STRADA: variants seen among roughly 807,000 people sequenced by gnomAD.
STRADA encodes the protein STE20 related adaptor alpha.
A neutral mutation model predicts 55.0 loss-of-function variants in STRADA; 26 were observed. The ratio of observed to expected loss-of-function variants is 0.47; its 90% CI spans 0.35 to 0.66. The LOEUF is 0.66. STRADA is among the 30% of genes least tolerant of loss of function. STRADA has a pLI of 0.01. For synonymous variants in STRADA, 197 were observed against 210.9 expected (o/e 0.93, Z 0.57); for missense variants, 443 against 549.7 (o/e 0.81, Z 1.94).
chr17:63,740,107 T>C (rs201206946), intron 1 of STRADA, among the ~76,000 whole-genome samples: 1,514 of 49,610 alleles, frequency 0.031, 294 homozygotes, highest in African/African-American at 0.067. Context: ...TATATATATA[T>C]ACATACATAC....
chr17:63,738,922 C>T (rs549244313), intron 1 of STRADA, among the ~76,000 whole-genome samples: 4 of 151,742 alleles, frequency 2.6e-5, no homozygotes, highest in African/African-American at 4.8e-5. Context: ...GAGGCAGAGG[C>T]GGGCAGATCA....
chr17:63,740,250 C>T (rs1035504372), intron 1 of STRADA, among the ~76,000 whole-genome samples: 2 of 151,004 alleles, frequency 1.3e-5, no homozygotes, highest in Non-Finnish European at 2.9e-5. Context: ...GTGGCTCACG[C>T]CTGTAATCCC....
In STRADA at chr17:63,710,854, G is replaced by A. The variant is rs138109552; in HGVS notation, c.349-18C>T. 3,072 of 1,611,564 alleles carry A rather than the reference G, an allele frequency of 1.9e-3. 7 individuals are homozygous for A. Among genetic ancestry groups the A allele is most frequent in the Middle Eastern group, 2.3e-3 (14 of 6,056 alleles). ...AGCTCGCCCTGGAAGCAATGATGAA[G>A]CTGAAGTCAGAACCAAATGGCACTG... is the stretch of plus-strand genomic sequence containing the variant. On this transcript the variant is annotated intron_variant, in intron 6 of 12. Transcript: ENST00000336174.
At chr17:63,723,480 C>T (rs2144091949) in intron 3 of STRADA, 154 bp from the exon 4 acceptor site, 2 of 727,232 alleles carry the variant, frequency 2.8e-6, no homozygotes, top group South Asian at 1.6e-5. Flanking sequence ...TACATATAAA[C>T]ACACACAGAT....
chr17:63,726,900 G>A (rs2037700080), intron 2 of STRADA: 1 of 584,722 alleles, frequency 1.7e-6, no homozygotes, highest in African/African-American at 1.9e-5. Context: ...CCTATTTGAT[G>A]AATAATTCTT....
Position 63,726,710 on chromosome 17 carries a change from C to T in STRADA, c.37-15G>A. On this transcript the variant is annotated splice_polypyrimidine_tract_variant and intron_variant, in intron 2 of 12. Transcript: ENST00000336174. ...GAGACCCACCGCTAAAGAGGAAAAC[C>T]CCAAAGAGAATTAGTATTTCTTCCA... 1 of 1,613,762 alleles carries T rather than the reference C, an allele frequency of 6.2e-7. No individual in the cohort carries two copies. Among genetic ancestry groups the T allele is most frequent in the Middle Eastern group, 1.7e-4 (1 of 6,060 alleles).
rs755268323 is a variant in STRADA at position 63,703,742 on chromosome 17, G to A, written c.1153C>T (p.Arg385Cys). Residue 385 changes from arginine to cysteine, a missense_variant, in exon 13 of 13, where the codon CGT becomes TGT. Transcript: ENST00000336174. ...NHSFFKQIKR[R>C]ASEALPELLR... ...AATTCGGGCAAAGCCTCTGAGGCAC[G>A]TCGCTTGATCTGGGGGAGAAGAGAG... 23 of 1,613,996 alleles carry A rather than the reference G, an allele frequency of 1.4e-5. No homozygotes were observed. Among genetic ancestry groups the A allele is most frequent in the African/African-American group, 5.3e-5 (4 of 74,922 alleles).
At chr17:63,735,558 C>T (rs2038361799) in intron 1 of STRADA, among the ~76,000 whole-genome samples, 1 of 152,110 alleles carries the variant, frequency 6.6e-6, no homozygotes, top group Non-Finnish European at 1.5e-5. Context: ...TTTCAGGTTT[C>T]TGATTTAAGA....
At chr17:63,732,558 G>A (rs542039307) in intron 1 of STRADA, among the ~76,000 whole-genome samples, 15 of 152,272 alleles carry the variant, frequency 9.9e-5, no homozygotes, top group African/African-American at 2.9e-4. Flanking sequence ...CACTTTGGGA[G>A]GCTGAGGCAG....
intron 1 of STRADA, among the ~76,000 whole-genome samples, chr17:63,737,041 G>C (rs2038488712): frequency 6.6e-6 from 1 of 151,690 alleles, no homozygotes; most frequent in East Asian, 1.9e-4. Context: ...CTGAGGTCAG[G>C]AGTTCAAGAC....
intron 1 of STRADA, among the ~76,000 whole-genome samples, chr17:63,729,653 G>T (rs2037890088): frequency 6.6e-6 from 1 of 151,910 alleles, no homozygotes; most frequent in Non-Finnish European, 1.5e-5. Flanking sequence ...GCCAGGCATG[G>T]TGACAGGCAC....
chr17:63,728,467 T>A, intron 1 of STRADA, 54 bp from the exon 2 acceptor site: 1 of 995,772 alleles, frequency 1.0e-6, no homozygotes, highest in Non-Finnish European at 1.5e-6. Context: ...TATAGAGAAA[T>A]ATCTTCTGAT....
At chr17:63,716,997 A>T (rs760959007) in intron 4 of STRADA, 23 of 152,230 alleles carry the variant, frequency 1.5e-4, no homozygotes, top group Non-Finnish European at 2.9e-4. Flanking sequence ...TCTCCATTAT[A>T]TCAGCAGCTG....
chr17:63,707,459 C>A (rs2036177605), intron 8 of STRADA, 41 bp from the exon 9 acceptor site: 1 of 1,600,290 alleles, frequency 6.2e-7, no homozygotes, highest in African/African-American at 1.3e-5. Context: ...AGCAGGAGCC[C>A]CTCCTGCTAC....
At position 63,703,481 on chromosome 17, in the gene STRADA, G is replaced by T; in HGVS notation, c.*118C>A. 2 of 999,834 alleles carry T rather than the reference G, an allele frequency of 2.0e-6. No individual in the cohort carries two copies. The highest frequency in any genetic ancestry group is 2.9e-6 in the Non-Finnish European group (2 of 689,386). 61.9% of individuals were successfully genotyped at this position (999,834 alleles called of 1,614,324 possible). A position where few individuals can be genotyped will look rare whatever the true frequency, so the allele number is the denominator to read the frequency against. On this transcript the variant is annotated 3_prime_UTR_variant, in exon 13 of 13. Coordinates refer to ENST00000336174, the MANE Select transcript of STRADA (RefSeq NM_001003787.4). ...AATCAGTCAGCAGTCAACTTTCCTGGAAGAATGTCCTTTCTACCCAATCTG... is the reference window on the plus strand; with the variant it reads ...AATCAGTCAGCAGTCAACTTTCCTGTAAGAATGTCCTTTCTACCCAATCTG...
At chr17:63,741,940 G>A (rs955170999), upstream of STRADA, 2 of 152,248 alleles carry the variant, frequency 1.3e-5, no homozygotes, top group Non-Finnish European at 1.5e-5. Flanking sequence ...GGCCGCGGCT[G>A]CGGCAGGCCC....
chr17:63,704,432 C>T lies in STRADA; in HGVS notation c.1009G>A (p.Gly337Ser), dbSNP rs772509390. Residue 337 changes from glycine (G) to serine (S), a missense_variant, in exon 11 of 13, where the codon GGT (glycine) becomes AGT (serine). Transcript: ENST00000336174. The part of the protein sequence containing the change: ...LTTSTPRPSN[G>S]DSPSHPYHRT... ...TGGTAGGGGTGGGAGGGCGAGTCAC[C>T]GTTGGAGGGCCGGGGGGTGCTGGTG... 6.2e-6 allele frequency: 10 copies of T among 1,611,598 alleles called. No homozygotes were observed. The highest frequency in any genetic ancestry group is 1.3e-5 in the African/African-American group (1 of 74,704).
intron 4 of STRADA, among the ~76,000 whole-genome samples, chr17:63,722,253 G>C (rs993599642): frequency 6.6e-6 from 1 of 152,128 alleles, no homozygotes; most frequent in Non-Finnish European, 1.5e-5. Flanking sequence ...ATCCAGAAAT[G>C]ACCATAAAAT....
chr17:63,723,374 C>T (rs950761667), intron 3 of STRADA, 48 bp from the exon 4 acceptor site: 3 of 1,608,748 alleles, frequency 1.9e-6, no homozygotes, highest in Non-Finnish European at 2.6e-6. Context: ...TAGCAGAAGA[C>T]ACACCCACAT....
Sources: gnomAD v4.1 joint callset for allele counts (sites outside exome capture counted in the v4.1 genomes callset) on GRCh38, gnomAD v4.1.1 for gene constraint, MANE v1.5 for transcripts, NCBI Gene and HGNC (gene_info 2026-07-23, HGNC 2026-07-21) for gene names.